KIAA1217: variants seen among roughly 807,000 people sequenced by gnomAD.
The protein encoded by KIAA1217 is KIAA1217.
In KIAA1217, 88 loss-of-function variants were observed where a neutral mutation model predicts 163.9. The ratio of observed to expected loss-of-function variants is 0.54; its 90% CI spans 0.45 to 0.64. KIAA1217 has a LOEUF of 0.64. Ranked by LOEUF, KIAA1217 falls within the 30% of genes least tolerant of loss-of-function variation. The probability of loss-of-function intolerance (pLI) is 0.00; values close to 1 mark genes in which losing one functional copy is unlikely to be tolerated. For missense variants in KIAA1217, 2,372 were observed against 2,475.0 expected (o/e 0.96, Z 0.88); for synonymous variants, 903 against 923.1 (o/e 0.98, Z 0.39).
intron 1 of KIAA1217, among the ~76,000 whole-genome samples, chr10:23,875,650 T>C (rs530747565): frequency 6.6e-6 from 1 of 152,172 alleles, no homozygotes; most frequent in African/African-American, 2.4e-5. Flanking sequence ...CATACACACG[T>C]ATGTTTATTG....
chr10:24,100,076 C>T (rs934813483), intron 2 of KIAA1217, among the ~76,000 whole-genome samples: 4 of 152,076 alleles, frequency 2.6e-5, no homozygotes, highest in African/African-American at 7.2e-5. Context: ...CCCTCCCTCT[C>T]CTGTCTTCAC....
At chr10:23,840,309 C>G (rs566540364) in intron 1 of KIAA1217, among the ~76,000 whole-genome samples, 65 of 152,182 alleles carry the variant, frequency 4.3e-4, no homozygotes, top group Non-Finnish European at 6.5e-4. Flanking sequence ...ATGCCTGCCA[C>G]CAAACCCAGC....
At chr10:23,934,210 A>G (rs567471594) in intron 1 of KIAA1217, among the ~76,000 whole-genome samples, 1 of 152,300 alleles carries the variant, frequency 6.6e-6, no homozygotes, top group Non-Finnish European at 1.5e-5. Flanking sequence ...TGCAGCCATC[A>G]AAAAGAATGA....
At chr10:24,068,398 C>A (rs2061053976) in intron 2 of KIAA1217, among the ~76,000 whole-genome samples, 1 of 152,116 alleles carries the variant, frequency 6.6e-6, no homozygotes, top group South Asian at 2.1e-4. Context: ...CTACTGAGCT[C>A]ACTGAGCATT....
chr10:24,433,187 A>G lies in KIAA1217; in HGVS notation c.746A>G (p.Asp249Gly). The G allele has an allele frequency of 1.2e-6, 2 of 1,611,506 alleles. No individual in the cohort carries two copies. Among genetic ancestry groups the G allele is most frequent in the East Asian group, 2.2e-5 (1 of 44,840 alleles). ...ESRNVYYELN[D>G]VRNIQDRSLL... ...AGAAATGTCTATTATGAATTAAATG[A>G]TGTAAGGTAAGTTGTGACATCATTT... is the stretch of plus-strand genomic sequence containing the variant. Residue 249 changes from aspartate (D) to glycine (G), a missense_variant, in exon 4 of 21, where the codon GAT becomes GGT. Transcript: ENST00000376454.
rs2066092467 is a variant in KIAA1217, at chr10:24,491,283, T to C, written c.1680-3217T>C. Among the ~76,000 whole-genome samples the C allele has an allele frequency of 2.1e-5, 3 of 143,966 alleles. 1 individual carries two copies. The Admixed American group carries it at 2.1e-4, about 10-fold the overall frequency. The allele number at this position is 143,966 out of a possible 152,430, so 94.4% of individuals were successfully genotyped here. On this transcript the variant is annotated intron_variant, in intron 6 of 20. Transcript: ENST00000376454. ...TCAGGTGCTTTGTTTCTTTTTTTTTTTCCTTTTTTTTTTTTTTTTTTTTTG... is the reference window on the plus strand; with the variant it reads ...TCAGGTGCTTTGTTTCTTTTTTTTTCTCCTTTTTTTTTTTTTTTTTTTTTG...
At chr10:24,454,746 G>C (rs1267082614) in intron 5 of KIAA1217, among the ~76,000 whole-genome samples, 1 of 152,120 alleles carries the variant, frequency 6.6e-6, no homozygotes, top group African/African-American at 2.4e-5. Flanking sequence ...TTGCAGTAGG[G>C]ACTGAGGGAT....
chr10:24,162,136 A>G (rs1462156466), intron 2 of KIAA1217, among the ~76,000 whole-genome samples: 1 of 152,214 alleles, frequency 6.6e-6, no homozygotes, highest in African/African-American at 2.4e-5. Flanking sequence ...AAAATATCAA[A>G]TTTGGGTTCA....
At chr10:24,265,036 T>C (rs2076104531) in intron 2 of KIAA1217, among the ~76,000 whole-genome samples, 1 of 152,038 alleles carries the variant, frequency 6.6e-6, no homozygotes, top group Non-Finnish European at 1.5e-5. Context: ...TTTTTGTTGT[T>C]GTTGTTTTGA....
chr10:24,377,405 C>G (rs977067434), intron 2 of KIAA1217, among the ~76,000 whole-genome samples: 1 of 152,142 alleles, frequency 6.6e-6, no homozygotes, highest in Non-Finnish European at 1.5e-5. Flanking sequence ...TTAGGCATAG[C>G]TCTCCACTCA....
intron 4 of KIAA1217, among the ~76,000 whole-genome samples, chr10:24,437,208 C>T (rs1023175954): frequency 1.3e-5 from 2 of 152,170 alleles, no homozygotes; most frequent in African/African-American, 2.4e-5. Context: ...AGTGAAACCC[C>T]ACATCCTTAC....
intron 2 of KIAA1217, among the ~76,000 whole-genome samples, chr10:24,276,857 C>T (rs2077357274): frequency 6.6e-6 from 1 of 152,012 alleles, no homozygotes. Flanking sequence ...ATCCGTCCGC[C>T]TCAGCCTCTC....
At chr10:23,895,687 G>T (rs1158686933) in intron 1 of KIAA1217, among the ~76,000 whole-genome samples, 2 of 152,034 alleles carry the variant, frequency 1.3e-5, no homozygotes, top group Non-Finnish European at 2.9e-5. Context: ...AAAGACACAT[G>T]CACACGTATG....
At chr10:24,280,046 G>A (rs963046367) in intron 2 of KIAA1217, among the ~76,000 whole-genome samples, 2 of 152,236 alleles carry the variant, frequency 1.3e-5, no homozygotes, top group Admixed American at 6.5e-5. Context: ...ATGGGATGGC[G>A]TGCTTAGGCC....
chr10:23,704,156 GTGTGTGTGTGTGTGTGTATATA>G, intron 1 of KIAA1217, among the ~76,000 whole-genome samples: 1 of 75,046 alleles, frequency 1.3e-5, no homozygotes, highest in Non-Finnish European at 2.2e-5. Flanking sequence ...ATGTGTGTGT[GTGTGTGTGTGTGTGTGTATATA>G]TATATATATA....
rs113226260 is a variant in KIAA1217, at chr10:24,256,541, GA to G, written c.354+36641del. ...TAAGATGTCCTGAAAGAAACCTTGG[GA>G]AAAAAAAAGCACAGTCCCCACATTT... On this transcript the variant is annotated intron_variant, in intron 2 of 20. Transcript: ENST00000376454. Among the ~76,000 whole-genome samples the G allele has an allele frequency of 3.3e-5, 5 of 150,312 alleles. No homozygotes were observed. The South Asian group carries it at 6.3e-4, about 19-fold the overall frequency.
chr10:23,974,140 T>C (rs1845440573), intron 1 of KIAA1217, among the ~76,000 whole-genome samples: 2 of 152,232 alleles, frequency 1.3e-5, no homozygotes, highest in South Asian at 4.1e-4. Context: ...TTACTAATGC[T>C]GCATGATGGA....
chr10:24,517,227 G>C (rs1469380941), intron 10 of KIAA1217, among the ~76,000 whole-genome samples: 1 of 151,592 alleles, frequency 6.6e-6, no homozygotes, highest in Non-Finnish European at 1.5e-5. Flanking sequence ...TTTTAATAAT[G>C]GTAGTGTAAA....
chr10:24,524,238 T>C, intron 12 of KIAA1217, 85 bp from the exon 13 acceptor site: 1 of 1,412,880 alleles, frequency 7.1e-7, no homozygotes, highest in Non-Finnish European at 9.7e-7. Flanking sequence ...GACTCTCACC[T>C]GGCTTTGGGA....
Sources: allele counts gnomAD v4.1 joint callset (sites outside exome capture counted in the v4.1 genomes callset), GRCh38; gene constraint gnomAD v4.1.1; transcripts MANE v1.5; gene names NCBI Gene and HGNC (gene_info 2026-07-23, HGNC 2026-07-21).